The following TINAGL1 variants were observed in gnomAD, a reference collection of about 807,000 sequenced individuals.
TINAGL1 encodes tubulointerstitial nephritis antigen-like.
TINAGL1 carries 34 observed loss-of-function variants against 62.0 expected under a neutral mutation model. The ratio of observed to expected loss-of-function variants is 0.55; its 90% CI spans 0.42 to 0.73. The LOEUF is 0.73. TINAGL1 is among the 30% of genes least tolerant of loss of function. The probability of loss-of-function intolerance (pLI) is 0.00; values close to 1 mark genes in which losing one functional copy is unlikely to be tolerated. For synonymous variants in TINAGL1, 221 were observed against 249.7 expected, an observed-to-expected ratio of 0.88 and a Z score of 1.08; for missense variants, 516 against 653.2, an observed-to-expected ratio of 0.79 and a Z score of 2.29.
intron 2 of TINAGL1, among the ~76,000 whole-genome samples, chr1:31,578,424 A>G: frequency 1.0e-5 from 1 of 99,802 alleles, no homozygotes; most frequent in African/African-American, 4.1e-5. Flanking sequence ...GTTTAATTTT[A>G]GTGACAGCTG....
rs1035035718 is a variant in TINAGL1, at chr1:31,577,733, A to T, written c.310+275A>T. 6.4e-6 allele frequency: 3 copies of T among 472,422 alleles called. No homozygotes were observed. The South Asian group carries it at 9.9e-5, about 16-fold the overall frequency. The allele number at this position is 472,422 out of a possible 1,614,324, so 29.3% of individuals were successfully genotyped here. On this transcript the variant is annotated intron_variant, in intron 2 of 11. Coordinates refer to ENST00000271064, the MANE Select transcript of TINAGL1 (RefSeq NM_022164.3). The surrounding 1 kb of genome is among the most constrained non-coding windows in gnomAD (Gnocchi z 5.4). ...CGGAAGGTGCTGGCCGCACCTGCTG[A>T]CTCACTCTTGGGCTGATAAGGCACA...
At chr1:31,586,599 T>C (rs1639396889) in intron 10 of TINAGL1, 111 bp from the exon 11 acceptor site, 2 of 1,253,252 alleles carry the variant, frequency 1.6e-6, no homozygotes. Flanking sequence ...CCTAAGGGTG[T>C]ACCCAACCCT....
At chr1:31,582,327 C>A (rs1570209624) in intron 3 of TINAGL1, among the ~76,000 whole-genome samples, 3 of 148,162 alleles carry the variant, frequency 2.0e-5, no homozygotes, top group Admixed American at 6.7e-5. Context: ...GACCCTGTCT[C>A]AAAAAAAAAA....
At position 31,585,030 on chromosome 1, in the gene TINAGL1, G is replaced by A. The variant is rs552564411; in HGVS notation, c.851G>A (p.Arg284His). ...RLDGAWWFLR[R>H]RGVVSDHCYP... is the part of the protein sequence containing the mutation. Reference sequence around the variant, plus strand: ...GATGGTGCCTGGTGGTTCCTGCGTCGCCGAGGGTATGCAGCAACAGGGGAT... The same window carrying A: ...GATGGTGCCTGGTGGTTCCTGCGTCACCGAGGGTATGCAGCAACAGGGGAT... The change falls in exon 7 of 12, where the codon CGC (arginine) becomes CAC (histidine). Residue 284 changes from arginine to histidine, a missense_variant. Coordinates refer to ENST00000271064, the MANE Select transcript of TINAGL1 (RefSeq NM_022164.3). This position sits in a 1 kb window ranked among gnomAD's most constrained non-coding sequence, Gnocchi z 4.3. The A allele has an allele frequency of 6.5e-5, 104 of 1,596,952 alleles. No individual in the cohort carries two copies. The highest frequency in any genetic ancestry group is 5.1e-4 in the South Asian group (46 of 89,868).
chr1:31,576,958 C>A lies in TINAGL1; in HGVS notation c.-15-176C>A. The stretch of plus-strand genomic sequence containing the variant: ...GGCTCCGTTTCTGCCCAGTCCCCAT[C>A]CCCCTATAGCCAGGGCCCACACACT... On this transcript the variant is annotated intron_variant, in intron 1 of 11. Coordinates refer to ENST00000271064, the MANE Select transcript of TINAGL1 (RefSeq NM_022164.3). This position sits in a 1 kb window ranked among gnomAD's most constrained non-coding sequence, Gnocchi z 5.1. 1 of 575,774 alleles carries A rather than the reference C, an allele frequency of 1.7e-6. No homozygotes were observed. Among genetic ancestry groups the A allele is most frequent in the Non-Finnish European group, 2.9e-6 (1 of 339,222 alleles). The allele number at this position is 575,774 out of a possible 1,614,324, so 35.7% of individuals were successfully genotyped here. A position where few individuals can be genotyped will look rare whatever the true frequency, so the allele number is the denominator to read the frequency against.
intron 3 of TINAGL1, among the ~76,000 whole-genome samples, chr1:31,581,056 T>C (rs1223305968): frequency 1.3e-5 from 2 of 152,158 alleles, no homozygotes; most frequent in East Asian, 3.9e-4. Flanking sequence ...AGGAGAGGCC[T>C]GGCCTAGGCA....
chr1:31,580,539 G>C, intron 3 of TINAGL1: 13 of 1,289,268 alleles, frequency 1.0e-5, no homozygotes, highest in Non-Finnish European at 1.3e-5. Context: ...AGAGGGAAAG[G>C]AAGGATGAGG....
intron 2 of TINAGL1, among the ~76,000 whole-genome samples, chr1:31,578,449 G>A (rs1639076704): frequency 6.7e-6 from 1 of 148,876 alleles, no homozygotes; most frequent in African/African-American, 2.5e-5. Context: ...GTGTGTGTGT[G>A]TGTGTGTGTG....
rs1026880033 is a variant in TINAGL1 at position 31,584,864 on chromosome 1, C to A, written c.707-22C>A. ...GGCCAAGTCCTGAGCCTCCCGACAG[C>A]CCCTCTATCTCACCCCACCAGCTGT... On this transcript the variant is annotated intron_variant, in intron 6 of 11. Transcript: ENST00000271064. This position sits in a 1 kb window ranked among gnomAD's most constrained non-coding sequence, Gnocchi z 4.0. 1.2e-6 allele frequency: 2 copies of A among 1,613,114 alleles called. No individual in the cohort carries two copies. The highest frequency in any genetic ancestry group is 1.7e-4 in the Middle Eastern group (1 of 6,058).
chr1:31,582,735 A>G (rs1422056397), intron 3 of TINAGL1, among the ~76,000 whole-genome samples: 1 of 152,112 alleles, frequency 6.6e-6, no homozygotes, highest in Non-Finnish European at 1.5e-5. Flanking sequence ...GTAGACCCAT[A>G]GGATATGCGG....
chr1:31,584,877 C>A lies in TINAGL1; in HGVS notation c.707-9C>A. ...GCCTCCCGACAGCCCCTCTATCTCA[C>A]CCCACCAGCTGTGGCATCCGATCGT... is the stretch of plus-strand genomic sequence containing the variant. On this transcript the variant is annotated splice_polypyrimidine_tract_variant and intron_variant, in intron 6 of 11. Coordinates refer to ENST00000271064, the MANE Select transcript of TINAGL1 (RefSeq NM_022164.3). This position sits in a 1 kb window ranked among gnomAD's most constrained non-coding sequence, Gnocchi z 4.0. 6.2e-7 allele frequency: 1 copy of A among 1,611,846 alleles called. No individual in the cohort carries two copies. Among genetic ancestry groups the A allele is most frequent in the Non-Finnish European group, 8.5e-7 (1 of 1,178,072 alleles).
In TINAGL1 at chr1:31,583,285, TC is replaced by T; in HGVS notation, c.467+45del. The T allele has an allele frequency of 4.6e-6, 7 of 1,536,702 alleles. No homozygotes were observed. Among genetic ancestry groups the T allele is most frequent in the Non-Finnish European group, 6.3e-6 (7 of 1,109,458 alleles). On this transcript the variant is annotated intron_variant, in intron 4 of 11. Transcript: ENST00000271064. This position sits in a 1 kb window ranked among gnomAD's most constrained non-coding sequence, Gnocchi z 4.4. Reference sequence around the variant, plus strand: ...ACCCTCAGTGGGCACACATGCATACTCATGCATGTATACACGCATGCTGTGC... The same window carrying T: ...ACCCTCAGTGGGCACACATGCATACTATGCATGTATACACGCATGCTGTGC...
Position 31,585,328 on chromosome 1 carries a change from C to T in TINAGL1, c.1035C>T (p.Arg345=). The T allele has an allele frequency of 6.2e-7, 1 of 1,604,982 alleles. No homozygotes were observed. Among genetic ancestry groups the T allele is most frequent in the African/African-American group, 1.3e-5 (1 of 74,902 alleles). Residue 345 remains arginine, a synonymous_variant, in exon 8 of 12, where the codon CGC becomes CGT. Transcript: ENST00000271064. The surrounding 1 kb of genome is among the most constrained non-coding windows in gnomAD (Gnocchi z 4.3). ...NDIYQVTPVY[R]LGSNDKEIMK... is the part of the protein sequence containing the mutation. ...TCTACCAGGTCACTCCTGTCTACCGCCTCGGCTCCAACGTAAGTCAGCACT... is the reference window on the plus strand; with the variant it reads ...TCTACCAGGTCACTCCTGTCTACCGTCTCGGCTCCAACGTAAGTCAGCACT...
chr1:31,583,086 C>T lies in TINAGL1; in HGVS notation c.375-63C>T. The T allele has an allele frequency of 2.0e-6, 3 of 1,487,692 alleles. No individual in the cohort carries two copies. Among genetic ancestry groups the T allele is most frequent in the South Asian group, 2.3e-5 (2 of 88,526 alleles). The allele number at this position is 1,487,692 out of a possible 1,614,324, so 92.2% of individuals were successfully genotyped here. On this transcript the variant is annotated intron_variant, in intron 3 of 11. Coordinates refer to ENST00000271064, the MANE Select transcript of TINAGL1 (RefSeq NM_022164.3). The surrounding 1 kb of genome is among the most constrained non-coding windows in gnomAD (Gnocchi z 4.4). ...CCTGGCCCATGTTAACCTCCGAGGCCACATTCCTTCAAAGTATCCCCAGTC... is the reference window on the plus strand; with the variant it reads ...CCTGGCCCATGTTAACCTCCGAGGCTACATTCCTTCAAAGTATCCCCAGTC...
Position 31,577,599 on chromosome 1 carries a change from A to T in TINAGL1, c.310+141A>T. The T allele has an allele frequency of 1.0e-6, 1 of 959,024 alleles. No homozygotes were observed. The highest frequency in any genetic ancestry group is 1.5e-6 in the Non-Finnish European group (1 of 660,524). The allele number at this position is 959,024 out of a possible 1,614,324, so 59.4% of individuals were successfully genotyped here. On this transcript the variant is annotated intron_variant, in intron 2 of 11. Coordinates refer to ENST00000271064, the MANE Select transcript of TINAGL1 (RefSeq NM_022164.3). This position sits in a 1 kb window ranked among gnomAD's most constrained non-coding sequence, Gnocchi z 5.4. Reference sequence around the variant, plus strand: ...GGGACTCTTCCCTGCCCCTCTGGGAACTTTACTCTCCAGCAAGACTGAAGA... The same window carrying T: ...GGGACTCTTCCCTGCCCCTCTGGGATCTTTACTCTCCAGCAAGACTGAAGA...
chr1:31,580,056 G>A (rs1639174689), intron 3 of TINAGL1, among the ~76,000 whole-genome samples: 1 of 140,576 alleles, frequency 7.1e-6, no homozygotes, highest in Non-Finnish European at 1.5e-5. Flanking sequence ...GCGTGACTGT[G>A]TGTGCACTGT....
At position 31,583,542 on chromosome 1, in the gene TINAGL1, A is replaced by G. The variant is rs1220668360; in HGVS notation, c.549A>G (p.Pro183=). ...GIRYRLGTIR[P]SSSVMNMHEI... ...GCTACCGCCTGGGCACCATCCGCCC[A>G]TCTTCCTCGGTCATGAACATGCATG... The change falls in exon 5 of 12, where the codon CCA becomes CCG. Residue 183 remains proline, a synonymous_variant. Transcript: ENST00000271064. This position sits in a 1 kb window ranked among gnomAD's most constrained non-coding sequence, Gnocchi z 4.4. The G allele has an allele frequency of 5.6e-6, 9 of 1,613,848 alleles. No homozygotes were observed. Among genetic ancestry groups the G allele is most frequent in the East Asian group, 2.2e-5 (1 of 44,890 alleles).
chr1:31,583,233 C>A lies in TINAGL1; in HGVS notation c.459C>A (p.Gly153=). 6.2e-7 allele frequency: 1 copy of A among 1,614,194 alleles called. No individual in the cohort carries two copies. The highest frequency in any genetic ancestry group is 1.1e-5 in the South Asian group (1 of 91,090). Residue 153 remains glycine (G), a synonymous_variant, in exon 4 of 12, where the codon GGC becomes GGA. Coordinates refer to ENST00000271064, the MANE Select transcript of TINAGL1 (RefSeq NM_022164.3). The surrounding 1 kb of genome is among the most constrained non-coding windows in gnomAD (Gnocchi z 4.4). ...DPDMIKAINQ[G]NYGWQAGNHS... is the part of the protein sequence containing the mutation. Reference sequence around the variant, plus strand: ...ACATGATCAAAGCCATCAACCAGGGCAACTATGGGTGAGAGGCCCTAGAGG... The same window carrying A: ...ACATGATCAAAGCCATCAACCAGGGAAACTATGGGTGAGAGGCCCTAGAGG...
intron 10 of TINAGL1, 161 bp from the exon 11 acceptor site, chr1:31,586,549 A>G: frequency 1.3e-6 from 1 of 774,078 alleles, no homozygotes; most frequent in Middle Eastern, 3.4e-4. Context: ...CAGATGTGAG[A>G]GTGAGGGAGA....
Sources: allele counts gnomAD v4.1 joint callset (sites outside exome capture counted in the v4.1 genomes callset), GRCh38; gene constraint gnomAD v4.1.1; non-coding constraint Gnocchi (gnomAD v3.1); transcripts MANE v1.5; gene names NCBI Gene and HGNC (gene_info 2026-07-23, HGNC 2026-07-21).